GRIK1: variants seen among roughly 807,000 people sequenced by gnomAD.
GRIK1 encodes glutamate ionotropic receptor kainate type subunit 1.
In GRIK1, 69 loss-of-function variants were observed where a neutral mutation model predicts 105.7. That is an observed-to-expected ratio of 0.65 (90% CI 0.54 to 0.80). The LOEUF is 0.80. GRIK1 is among the 30% of genes least tolerant of loss of function. The pLI is 0.00. For missense variants in GRIK1, 1,109 were observed against 1,167.3 expected (o/e 0.95, Z 0.73); for synonymous variants, 438 against 431.3 (o/e 1.02, Z -0.19).
chr21:29,821,057 T>TAAA (rs11369503), intron 1 of GRIK1, among the ~76,000 whole-genome samples: 7 of 141,496 alleles, frequency 4.9e-5, no homozygotes, highest in Non-Finnish European at 7.7e-5. Context: ...CAACACACAG[T>TAAA]AAAAAAAAAA....
chr21:29,760,253 G>T (rs547459058), intron 1 of GRIK1: 1 of 152,344 alleles, frequency 6.6e-6, no homozygotes, highest in Admixed American at 6.5e-5. Flanking sequence ...ACATGCTCTT[G>T]TTTGTGGCCT....
At chr21:29,554,982 T>C (rs761278887) in intron 16 of GRIK1, 70 bp downstream of exon 16, 151 of 1,339,486 alleles carry the variant, frequency 1.1e-4, no homozygotes, top group Non-Finnish European at 1.4e-4. Flanking sequence ...CAAACATCCT[T>C]AAAAACCCCC....
intron 13 of GRIK1, among the ~76,000 whole-genome samples, chr21:29,581,154 A>G (rs1344702490): frequency 1.3e-5 from 2 of 152,134 alleles, no homozygotes; most frequent in Non-Finnish European, 2.9e-5. Context: ...TTTGTAAACG[A>G]TTTCTAAGGT....
At chr21:29,576,202 C>T (rs1162939174) in intron 14 of GRIK1, among the ~76,000 whole-genome samples, 1 of 152,088 alleles carries the variant, frequency 6.6e-6, no homozygotes, top group East Asian at 1.9e-4. Context: ...ATCTATTTTT[C>T]ACTGGAATTA....
At chr21:29,771,199 C>A (rs2065804076) in intron 1 of GRIK1, among the ~76,000 whole-genome samples, 1 of 152,156 alleles carries the variant, frequency 6.6e-6, no homozygotes, top group Non-Finnish European at 1.5e-5. Flanking sequence ...ACCATGTCAA[C>A]ATTTTATTTT....
intron 1 of GRIK1, among the ~76,000 whole-genome samples, chr21:29,712,543 G>A (rs2064082839): frequency 6.6e-6 from 1 of 151,646 alleles, no homozygotes; most frequent in African/African-American, 2.4e-5. Flanking sequence ...TCCAAGTATT[G>A]TAAATAAAAA....
intron 5 of GRIK1, among the ~76,000 whole-genome samples, chr21:29,651,886 A>G (rs2062747076): frequency 1.3e-5 from 2 of 152,092 alleles, no homozygotes; most frequent in Admixed American, 1.3e-4. Flanking sequence ...TGGCAGCCGT[A>G]CCACACTATT....
At chr21:29,654,034 C>T (rs1601380535) in intron 5 of GRIK1, among the ~76,000 whole-genome samples, 1 of 152,154 alleles carries the variant, frequency 6.6e-6, no homozygotes, top group Non-Finnish European at 1.5e-5. Context: ...TTACTGACCC[C>T]CCCAGAATCC....
Position 29,673,160 on chromosome 21 carries a change from T to G in GRIK1, c.549A>C (p.Leu183=), listed in dbSNP as rs1424393253. 1 of 1,603,560 alleles carries G rather than the reference T, an allele frequency of 6.2e-7. No homozygotes were observed. The highest frequency in any genetic ancestry group is 8.5e-7 in the Non-Finnish European group (1 of 1,171,770). ...CTTTGATGAGCTCTTGTAGACGAAT[T>G]AGACCTAGAAAATGACATGCAATCA... ...VTVVYEDSTG[L]IRLQELIKAP... Residue 183 remains leucine, a synonymous_variant, in exon 4 of 18, where the codon CTA becomes CTC. Coordinates refer to ENST00000327783, the MANE Select transcript of GRIK1 (RefSeq NM_001330994.2).
At chr21:29,740,133 G>A (rs1027356036) in intron 1 of GRIK1, among the ~76,000 whole-genome samples, 6 of 152,018 alleles carry the variant, frequency 3.9e-5, no homozygotes, top group Non-Finnish European at 7.3e-5. Context: ...ATAAACCAAC[G>A]ATAGTATGAG....
At chr21:29,791,742 G>A (rs561930982) in intron 1 of GRIK1, among the ~76,000 whole-genome samples, 43 of 152,292 alleles carry the variant, frequency 2.8e-4, no homozygotes, top group African/African-American at 8.2e-4. Context: ...TAAGGAGTTG[G>A]AGGGCCTGAT....
intron 1 of GRIK1, among the ~76,000 whole-genome samples, chr21:29,891,789 A>T (rs573264896): frequency 1.1e-3 from 174 of 152,276 alleles, no homozygotes; most frequent in Non-Finnish European, 1.9e-3. Context: ...CTCTACTGTT[A>T]AAAAAATTTA....
At chr21:29,766,786 T>A (rs2065678309) in intron 1 of GRIK1, among the ~76,000 whole-genome samples, 1 of 151,790 alleles carries the variant, frequency 6.6e-6, no homozygotes, top group African/African-American at 2.4e-5. Context: ...CAGGGCCGCA[T>A]GTACTTTGAA....
intron 1 of GRIK1, among the ~76,000 whole-genome samples, chr21:29,703,680 C>G (rs915191894): frequency 6.6e-6 from 1 of 152,166 alleles, no homozygotes; most frequent in Non-Finnish European, 1.5e-5. Flanking sequence ...TGTTTCTTGA[C>G]CTGATGGAAA....
At chr21:29,916,464 A>C (rs1017941982) in intron 1 of GRIK1, among the ~76,000 whole-genome samples, 1 of 152,010 alleles carries the variant, frequency 6.6e-6, no homozygotes. Context: ...AAATCTATGT[A>C]GCAAGTCATT....
chr21:29,822,326 G>A, intron 1 of GRIK1, among the ~76,000 whole-genome samples: 1 of 151,996 alleles, frequency 6.6e-6, no homozygotes. Flanking sequence ...GTAGTTTCCT[G>A]ACCCTTGAAT....
chr21:29,766,835 C>T (rs1019290447), intron 1 of GRIK1, among the ~76,000 whole-genome samples: 8 of 151,722 alleles, frequency 5.3e-5, no homozygotes, highest in African/African-American at 1.9e-4. Flanking sequence ...TCTAAATCTT[C>T]TTGAGGTTAT....
intron 7 of GRIK1, among the ~76,000 whole-genome samples, chr21:29,605,435 A>C (rs1380304224): frequency 6.6e-6 from 1 of 152,108 alleles, no homozygotes; most frequent in East Asian, 1.9e-4. Context: ...CATGGTGTAT[A>C]TATACCACAT....
At chr21:29,747,807 G>A (rs959012001) in intron 1 of GRIK1, among the ~76,000 whole-genome samples, 8 of 152,176 alleles carry the variant, frequency 5.3e-5, no homozygotes, top group Non-Finnish European at 8.8e-5. Flanking sequence ...TCAGCCTGGC[G>A]ACAGAGCATG....
Sources: gnomAD v4.1 joint callset for allele counts (sites outside exome capture counted in the v4.1 genomes callset) on GRCh38, gnomAD v4.1.1 for gene constraint, MANE v1.5 for transcripts, NCBI Gene and HGNC (gene_info 2026-07-23, HGNC 2026-07-21) for gene names.